NRXN1: variants seen among roughly 807,000 people sequenced by gnomAD.
The protein encoded by NRXN1 is neurexin 1.
Under a neutral mutation model 150.9 loss-of-function variants are expected in NRXN1, and 39 were observed. The observed-to-expected ratio is 0.26, with a 90% CI of 0.20 to 0.34. The LOEUF (loss-of-function observed/expected upper bound fraction) is 0.34, where lower values mean the gene tolerates loss of function less well. Among genes scored for constraint, NRXN1 ranks in the 10% least tolerant of loss-of-function variants. The pLI is 1.00. For synonymous variants in NRXN1, 924 were observed against 757.0 expected, an observed-to-expected ratio of 1.22 and a Z score of -3.62; for missense variants, 1,815 against 1,949.9, an observed-to-expected ratio of 0.93 and a Z score of 1.30.
At position 50,519,011 on chromosome 2, in the gene NRXN1, G is replaced by T. The variant is rs114141343; in HGVS notation, c.2374+9614C>A. Among the ~76,000 whole-genome samples, 485 of 151,814 alleles carry T rather than the reference G, an allele frequency of 3.2e-3. 3 individuals carry two copies. The highest frequency in any genetic ancestry group is 0.011 in the African/African-American group (455 of 41,486). On this transcript the variant is annotated intron_variant, in intron 12 of 22. Transcript: ENST00000401669. ...ATAATGCGTAGAAATCTATTTCTCA[G>T]TATTGTCAACTTTATGGACCTATTT...
intron 18 of NRXN1, among the ~76,000 whole-genome samples, chr2:50,211,432 A>G (rs2063005079): frequency 6.6e-6 from 1 of 151,638 alleles, no homozygotes; most frequent in Non-Finnish European, 1.5e-5. Flanking sequence ...CATAGTCCCT[A>G]AAAGATGATT....
At chr2:50,231,766 G>C (rs1000209952) in intron 18 of NRXN1, among the ~76,000 whole-genome samples, 4 of 152,048 alleles carry the variant, frequency 2.6e-5, no homozygotes, top group African/African-American at 7.2e-5. Context: ...TTCTGTCAGA[G>C]AGGCATTAAG....
intron 21 of NRXN1, among the ~76,000 whole-genome samples, chr2:50,050,447 C>A (rs772305322): frequency 2.0e-5 from 3 of 151,926 alleles, no homozygotes; most frequent in Non-Finnish European, 4.4e-5. Context: ...TCAGTGTTAT[C>A]ACTGAGAAAA....
intron 8 of NRXN1, among the ~76,000 whole-genome samples, chr2:50,609,147 T>C (rs929990734): frequency 4.6e-5 from 7 of 152,142 alleles, no homozygotes; most frequent in African/African-American, 1.7e-4. Flanking sequence ...CCAAGTTAAT[T>C]CAATTTTCTC....
At chr2:51,001,674 C>T (rs993150674) in intron 2 of NRXN1, among the ~76,000 whole-genome samples, 3 of 151,946 alleles carry the variant, frequency 2.0e-5, no homozygotes, top group East Asian at 3.9e-4. Flanking sequence ...CCACAATTCA[C>T]GCTATTTTAA....
At chr2:50,709,313 C>A (rs1192739827) in intron 5 of NRXN1, among the ~76,000 whole-genome samples, 2 of 152,094 alleles carry the variant, frequency 1.3e-5, no homozygotes, top group African/African-American at 4.8e-5. Context: ...GGTTTACATT[C>A]TAGCAGGAAA....
At chr2:50,587,306 G>T (rs1270546877) in intron 8 of NRXN1, among the ~76,000 whole-genome samples, 5 of 152,302 alleles carry the variant, frequency 3.3e-5, no homozygotes, top group Non-Finnish European at 5.9e-5. Context: ...GCAACATGGT[G>T]AAACACCGTC....
At chr2:50,636,930 A>G (rs1279324539) in intron 5 of NRXN1, among the ~76,000 whole-genome samples, 12 of 152,186 alleles carry the variant, frequency 7.9e-5, no homozygotes, top group African/African-American at 2.7e-4. Flanking sequence ...ATTATATACT[A>G]TAAGTCTTAA....
intron 17 of NRXN1, among the ~76,000 whole-genome samples, chr2:50,432,682 T>C (rs966507014): frequency 6.6e-6 from 1 of 152,182 alleles, no homozygotes; most frequent in African/African-American, 2.4e-5. Context: ...TTTCCTTTCA[T>C]GTCATTTTTT....
At chr2:50,474,656 A>C (rs1271405310) in intron 15 of NRXN1, among the ~76,000 whole-genome samples, 1 of 142,236 alleles carries the variant, frequency 7.0e-6, no homozygotes, top group Non-Finnish European at 1.5e-5. Flanking sequence ...GAGCTATAGA[A>C]CAATTTCCAG....
At chr2:50,720,298 A>T (rs1318162499) in intron 5 of NRXN1, among the ~76,000 whole-genome samples, 2 of 152,148 alleles carry the variant, frequency 1.3e-5, no homozygotes, top group African/African-American at 2.4e-5. Flanking sequence ...ATATAAAACC[A>T]GTTACAACAT....
chr2:49,918,655 A>T lies in NRXN1; in HGVS notation c.*3289T>A, dbSNP rs1667710089. On this transcript the variant is annotated 3_prime_UTR_variant, in exon 23 of 23. Transcript: ENST00000401669. ...TGGTTTCTGGCATATCAAGATGAACAAATATAACAAAAGTACATTTAATGG... is the reference window on the plus strand; with the variant it reads ...TGGTTTCTGGCATATCAAGATGAACTAATATAACAAAAGTACATTTAATGG... The T allele has an allele frequency of 6.6e-6, 1 of 152,130 alleles. No individual in the cohort carries two copies. The allele number at this position is 152,130 out of a possible 1,614,324, so 9.4% of individuals were successfully genotyped here.
rs1035356983 is a variant in NRXN1, at chr2:49,920,482, T to C, written c.*1462A>G. The C allele has an allele frequency of 6.6e-6, 1 of 152,570 alleles. No homozygotes were observed. Among genetic ancestry groups the C allele is most frequent in the African/African-American group, 2.4e-5 (1 of 41,416 alleles). 9.5% of individuals were successfully genotyped at this position (152,570 alleles called of 1,614,324 possible). A position where few individuals can be genotyped will look rare whatever the true frequency, so the allele number is the denominator to read the frequency against. The stretch of plus-strand genomic sequence containing the variant: ...TCTTATTCATGCAGCAGTATATCAG[T>C]GATATTCTATTTGATAAGGAAAGGT... On this transcript the variant is annotated 3_prime_UTR_variant, in exon 23 of 23. Transcript: ENST00000401669.
intron 17 of NRXN1, among the ~76,000 whole-genome samples, chr2:50,246,258 A>G (rs1255146210): frequency 6.6e-6 from 1 of 151,852 alleles, no homozygotes; most frequent in Non-Finnish European, 1.5e-5. Flanking sequence ...AATTTTCCTT[A>G]TTTTTACCAC....
chr2:50,741,645 G>T (rs1699441912), intron 5 of NRXN1, among the ~76,000 whole-genome samples: 2 of 152,108 alleles, frequency 1.3e-5, no homozygotes, highest in African/African-American at 4.8e-5. Context: ...TGTTCATCAG[G>T]AGGTTTTGCA....
chr2:50,237,802 C>T (rs774704015), intron 17 of NRXN1, among the ~76,000 whole-genome samples: 1 of 151,986 alleles, frequency 6.6e-6, no homozygotes, highest in Non-Finnish European at 1.5e-5. Context: ...TGTGTCCCCA[C>T]TCAAATCTCA....
At chr2:50,172,062 T>C (rs1428403816) in intron 18 of NRXN1, among the ~76,000 whole-genome samples, 1 of 152,136 alleles carries the variant, frequency 6.6e-6, no homozygotes, top group Non-Finnish European at 1.5e-5. Flanking sequence ...AATAAAAGAA[T>C]ATGAGAATGT....
intron 17 of NRXN1, among the ~76,000 whole-genome samples, chr2:50,337,694 G>A (rs893963008): frequency 6.6e-6 from 1 of 152,140 alleles, no homozygotes; most frequent in Non-Finnish European, 1.5e-5. Context: ...TTATGAGGGA[G>A]AATTGGGGTT....
At chr2:50,959,256 T>C (rs1219933074) in intron 2 of NRXN1, among the ~76,000 whole-genome samples, 1 of 152,070 alleles carries the variant, frequency 6.6e-6, no homozygotes, top group Non-Finnish European at 1.5e-5. Flanking sequence ...TCCACTGTCA[T>C]ATACATACTC....
Sources: allele counts gnomAD v4.1 joint callset (sites outside exome capture counted in the v4.1 genomes callset), GRCh38; gene constraint gnomAD v4.1.1; transcripts MANE v1.5; gene names NCBI Gene and HGNC (gene_info 2026-07-23, HGNC 2026-07-21).